Variants in CPNE4 observed in about 807,000 individuals in gnomAD.
CPNE4 encodes the protein copine-4.
Under a neutral mutation model 67.9 loss-of-function variants are expected in CPNE4, and 25 were observed. The observed-to-expected ratio is 0.37, with a 90% CI of 0.27 to 0.51. The LOEUF (loss-of-function observed/expected upper bound fraction) is 0.51, where lower values mean the gene tolerates loss of function less well. Ranked by LOEUF, CPNE4 falls within the 20% of genes least tolerant of loss-of-function variation. CPNE4 has a pLI of 0.93. For missense variants in CPNE4, 464 were observed against 690.8 expected, an observed-to-expected ratio of 0.67 and a Z score of 3.68; for synonymous variants, 242 against 244.9, an observed-to-expected ratio of 0.99 and a Z score of 0.11.
At chr3:131,714,714 T>C (rs940092381) in intron 3 of CPNE4, among the ~76,000 whole-genome samples, 3 of 152,152 alleles carry the variant, frequency 2.0e-5, no homozygotes, top group Non-Finnish European at 4.4e-5. Context: ...CTAGATCTTT[T>C]GAATCATAAC....
rs561564139 is a variant in CPNE4, at chr3:131,606,329, G to A, written c.682-18747C>T. Among the ~76,000 whole-genome samples the A allele has an allele frequency of 2.0e-5, 3 of 152,268 alleles. No homozygotes were observed. The East Asian group carries it at 5.8e-4, about 29-fold the overall frequency. On this transcript the variant is annotated intron_variant, in intron 7 of 15. Transcript: ENST00000429747. ...GACTTGAAATTTTGTTTTAGAATAA[G>A]AGAACAATACAGATCCCAAAAGCAT...
intron 2 of CPNE4, among the ~76,000 whole-genome samples, chr3:131,728,452 A>G (rs576276130): frequency 2.0e-4 from 30 of 152,292 alleles, no homozygotes; most frequent in African/African-American, 7.2e-4. Context: ...GCATTTTTTC[A>G]TAAACACTGT....
intron 7 of CPNE4, among the ~76,000 whole-genome samples, chr3:131,615,840 C>T (rs1419567244): frequency 6.6e-5 from 10 of 150,884 alleles, no homozygotes; most frequent in African/African-American, 2.2e-4. Context: ...GCTGAGATGG[C>T]GCCACTGCAC....
chr3:131,592,624 T>C (rs761549136), intron 7 of CPNE4, among the ~76,000 whole-genome samples: 25 of 149,260 alleles, frequency 1.7e-4, no homozygotes, highest in Admixed American at 6.0e-4. Flanking sequence ...TATGTGTGTG[T>C]ATATACACAC....
chr3:131,889,091 G>A (rs1217639433), intron 2 of CPNE4, among the ~76,000 whole-genome samples: 1 of 152,134 alleles, frequency 6.6e-6, no homozygotes, highest in East Asian at 1.9e-4. Flanking sequence ...TCTATTAAGT[G>A]TTCACTATGC....
chr3:131,564,295 G>T lies in CPNE4; in HGVS notation c.982C>A (p.His328Asn). 6.2e-7 allele frequency: 1 copy of T among 1,612,754 alleles called. No homozygotes were observed. The highest frequency in any genetic ancestry group is 8.5e-7 in the Non-Finnish European group (1 of 1,179,122). Residue 328 changes from histidine to asparagine, a missense_variant, in exon 11 of 16, where the codon CAC becomes AAC. By Grantham distance (68) the His-to-Asn change is moderately conservative. This residue lies in a region of CPNE4 where 201 missense variants were observed against 357.7 expected (regional missense o/e 0.56). Transcript: ENST00000429747. ...TTGGGTTGGTAAGGGTGGATGTAGT[G>T]CAAGGAACAGCTGTTCCTGGGGTCC... ...NGDPRNSCSLHYIHPYQPNEY... is the reference protein window; with the variant it reads ...NGDPRNSCSLNYIHPYQPNEY...
intron 1 of CPNE4, among the ~76,000 whole-genome samples, chr3:131,984,256 G>A (rs2072986258): frequency 6.6e-6 from 1 of 152,142 alleles, no homozygotes; most frequent in South Asian, 2.1e-4. Context: ...ACACTGAACT[G>A]CACTGCCTCT....
chr3:131,975,633 A>G (rs959719114), intron 1 of CPNE4, among the ~76,000 whole-genome samples: 6 of 152,192 alleles, frequency 3.9e-5, no homozygotes, highest in African/African-American at 1.4e-4. Flanking sequence ...ATTTACACCT[A>G]TGGAGGGAAA....
upstream of CPNE4, among the ~76,000 whole-genome samples, chr3:132,037,124 C>T (rs1216614257): frequency 6.6e-6 from 1 of 152,160 alleles, no homozygotes. Flanking sequence ...AGTCAATGCT[C>T]ATAGGGAAAA....
intron 1 of CPNE4, among the ~76,000 whole-genome samples, chr3:131,971,942 TAGC>T (rs2072513934): frequency 6.6e-6 from 1 of 152,214 alleles, no homozygotes; most frequent in Non-Finnish European, 1.5e-5. Flanking sequence ...CTCTTGCATT[TAGC>T]TCAGTGTCTG....
At chr3:132,007,740 C>T (rs981791159) in intron 1 of CPNE4, among the ~76,000 whole-genome samples, 1 of 151,822 alleles carries the variant, frequency 6.6e-6, no homozygotes, top group Non-Finnish European at 1.5e-5. Flanking sequence ...TAAATTTATT[C>T]TAAATCAATT....
intron 7 of CPNE4, among the ~76,000 whole-genome samples, chr3:131,609,898 G>A (rs1338303844): frequency 1.3e-5 from 2 of 152,034 alleles, no homozygotes; most frequent in African/African-American, 2.4e-5. Context: ...TGATATAAGA[G>A]CCCCTACTGG....
At chr3:131,743,962 C>CAAAAAAAAAAAAAAAAA (rs67791015) in intron 2 of CPNE4, among the ~76,000 whole-genome samples, 7 of 59,200 alleles carry the variant, frequency 1.2e-4, no homozygotes, top group African/African-American at 2.2e-4. Context: ...GACTCCGTCT[C>CAAAAAAAAAAAAAAAAA]AAAAAAAAAA....
At chr3:131,938,424 G>GATACACAA (rs149474140) in intron 1 of CPNE4, among the ~76,000 whole-genome samples, 1 of 151,536 alleles carries the variant, frequency 6.6e-6, no homozygotes, top group Non-Finnish European at 1.5e-5. Flanking sequence ...AACAATTAGG[G>GATACACAA]AGACTTAATA....
Position 131,857,874 on chromosome 3 carries a change from G to T in CPNE4, c.180+47390C>A, listed in dbSNP as rs566732973. 1.4e-4 allele frequency among the ~76,000 whole-genome samples: 22 copies of T among 151,972 alleles called. No individual in the cohort carries two copies. In the East Asian group the frequency reaches 2.7e-3, roughly 19 times the overall value. On this transcript the variant is annotated intron_variant, in intron 2 of 15. Coordinates refer to ENST00000429747, the MANE Select transcript of CPNE4 (RefSeq NM_130808.3). ...CCTAACAACATAGCAATTTCCAGCA[G>T]GTGTTAGGTGCTTAAAAAAATAAAA...
intron 7 of CPNE4, among the ~76,000 whole-genome samples, chr3:131,665,660 A>AAAACAAAC (rs145982956): frequency 0.77 from 113,694 of 148,554 alleles, 44,573 homozygotes; most frequent in Middle Eastern, 0.88. Context: ...GTCCATCTCA[A>AAAACAAAC]AAACAAACAA....
intron 2 of CPNE4, among the ~76,000 whole-genome samples, chr3:131,740,100 T>C (rs879792393): frequency 1.3e-5 from 2 of 152,154 alleles, no homozygotes; most frequent in African/African-American, 2.4e-5. Context: ...ATAAAGGTAA[T>C]ATGGGAATGG....
intron 2 of CPNE4, among the ~76,000 whole-genome samples, chr3:131,837,451 T>C (rs2085601417): frequency 6.6e-6 from 1 of 152,136 alleles, no homozygotes; most frequent in Non-Finnish European, 1.5e-5. Context: ...TTACACAGTG[T>C]GTGATTTCAC....
intron 1 of CPNE4, among the ~76,000 whole-genome samples, chr3:131,963,622 C>G (rs960988971): frequency 1.3e-5 from 2 of 152,132 alleles, no homozygotes; most frequent in African/African-American, 2.4e-5. Flanking sequence ...AGCAAGCTGC[C>G]GGGAAGTTCG....
Sources: allele counts gnomAD v4.1 joint callset (sites outside exome capture counted in the v4.1 genomes callset), GRCh38; gene constraint gnomAD v4.1.1; regional missense constraint gnomAD v4.1.1; transcripts MANE v1.5; gene names NCBI Gene and HGNC (gene_info 2026-07-23, HGNC 2026-07-21).